Variants in CDH4 observed in about 807,000 individuals in gnomAD.
CDH4 encodes cadherin 4, also known as cadherin-4.
A neutral mutation model predicts 86.0 loss-of-function variants in CDH4; 33 were observed. The ratio of observed to expected loss-of-function variants is 0.38; its 90% CI spans 0.29 to 0.51. The LOEUF is 0.51. CDH4 is among the 20% of genes least tolerant of loss of function. CDH4 has a pLI of 0.86. For missense variants in CDH4, 1,114 were observed against 1,307.4 expected (o/e 0.85, Z 2.28); for synonymous variants, 555 against 549.4 (o/e 1.01, Z -0.14).
At chr20:61,696,352 C>G (rs569000544) in intron 2 of CDH4, among the ~76,000 whole-genome samples, 1 of 152,176 alleles carries the variant, frequency 6.6e-6, no homozygotes, top group Non-Finnish European at 1.5e-5. Context: ...TTCTCCTGGG[C>G]GCAGGAGGAA....
At chr20:61,602,475 A>T (rs1280724684) in intron 2 of CDH4, among the ~76,000 whole-genome samples, 2 of 152,192 alleles carry the variant, frequency 1.3e-5, no homozygotes, top group East Asian at 3.9e-4. Flanking sequence ...AGGGAAACGA[A>T]GCAGCTGAAA....
chr20:61,576,721 G>A (rs2145713271), intron 2 of CDH4, among the ~76,000 whole-genome samples: 1 of 152,282 alleles, frequency 6.6e-6, no homozygotes, highest in African/African-American at 2.4e-5. Flanking sequence ...GCACCCAGGA[G>A]AAGCGTGTTC....
At chr20:61,865,572 T>C (rs1983509948) in intron 6 of CDH4, among the ~76,000 whole-genome samples, 1 of 151,890 alleles carries the variant, frequency 6.6e-6, no homozygotes, top group African/African-American at 2.4e-5. Flanking sequence ...CTGGTTAGTG[T>C]AGATGATAGG....
intron 2 of CDH4, among the ~76,000 whole-genome samples, chr20:61,535,602 G>A (rs1251250300): frequency 6.6e-6 from 1 of 152,230 alleles, no homozygotes; most frequent in Non-Finnish European, 1.5e-5. Context: ...GGTGCAGGAT[G>A]AAAACGCGGG....
intron 2 of CDH4, among the ~76,000 whole-genome samples, chr20:61,482,899 C>G (rs910113915): frequency 6.6e-6 from 1 of 152,208 alleles, no homozygotes; most frequent in Non-Finnish European, 1.5e-5. Context: ...CTCATGCCAT[C>G]AGCATCCCCA....
intron 2 of CDH4, among the ~76,000 whole-genome samples, chr20:61,546,888 G>A (rs2086091343): frequency 6.6e-6 from 1 of 152,158 alleles, no homozygotes; most frequent in Non-Finnish European, 1.5e-5. Flanking sequence ...CTGCACGGGA[G>A]ACAGGCAGGT....
chr20:61,904,635 C>A (rs1440360059), intron 8 of CDH4, among the ~76,000 whole-genome samples: 1 of 152,216 alleles, frequency 6.6e-6, no homozygotes, highest in Non-Finnish European at 1.5e-5. Context: ...GCCAGCCCAT[C>A]CGACCCCACA....
chr20:61,600,306 G>C (rs150597104), intron 2 of CDH4, among the ~76,000 whole-genome samples: 1 of 152,350 alleles, frequency 6.6e-6, no homozygotes, highest in South Asian at 2.1e-4. Context: ...TGAGCGTGCC[G>C]TATTTCCCAG....
intron 2 of CDH4, among the ~76,000 whole-genome samples, chr20:61,320,706 T>C (rs2084503203): frequency 1.3e-5 from 2 of 151,856 alleles, no homozygotes; most frequent in Non-Finnish European, 2.9e-5. Flanking sequence ...TCAGCACTGC[T>C]GAGGTCGAGG....
chr20:61,320,097 G>A (rs547501306), intron 2 of CDH4, among the ~76,000 whole-genome samples: 81 of 152,194 alleles, frequency 5.3e-4, no homozygotes, highest in Non-Finnish European at 9.7e-4. Flanking sequence ...AAAATTGCTC[G>A]TATTTTTGCA....
chr20:61,506,153 G>C (rs115911617), intron 2 of CDH4, among the ~76,000 whole-genome samples: 3,719 of 152,340 alleles, frequency 0.024, 140 homozygotes, highest in African/African-American at 0.085. Context: ...CACTATGACA[G>C]AAATGAATCT....
intron 2 of CDH4, among the ~76,000 whole-genome samples, chr20:61,555,279 G>C (rs1308472032): frequency 6.6e-6 from 1 of 152,228 alleles, no homozygotes; most frequent in Non-Finnish European, 1.5e-5. Flanking sequence ...GAGTGAAGAT[G>C]TATTTATCTT....
intron 2 of CDH4, among the ~76,000 whole-genome samples, chr20:61,596,467 A>G (rs142675931): frequency 1.5e-4 from 23 of 152,310 alleles, no homozygotes; most frequent in African/African-American, 5.5e-4. Flanking sequence ...TGGGGAGGGC[A>G]ATGGCTCTTA....
intron 2 of CDH4, among the ~76,000 whole-genome samples, chr20:61,694,264 A>G (rs1361880969): frequency 6.6e-6 from 1 of 152,046 alleles, no homozygotes; most frequent in Non-Finnish European, 1.5e-5. Context: ...AGGAAGCCAC[A>G]CTGACTTGCC....
chr20:61,488,612 A>G (rs2085609045), intron 2 of CDH4, among the ~76,000 whole-genome samples: 1 of 152,228 alleles, frequency 6.6e-6, no homozygotes. Flanking sequence ...GACTGGTATC[A>G]AGAGGACTGA....
chr20:61,493,275 T>G (rs1260451472), intron 2 of CDH4, among the ~76,000 whole-genome samples: 1 of 152,150 alleles, frequency 6.6e-6, no homozygotes, highest in Non-Finnish European at 1.5e-5. Flanking sequence ...CTGCTTAGCC[T>G]AGAGATTTGT....
chr20:61,742,969 A>C, intron 2 of CDH4, among the ~76,000 whole-genome samples: 1 of 152,106 alleles, frequency 6.6e-6, no homozygotes, highest in East Asian at 1.9e-4. Flanking sequence ...TGCCTAGCCC[A>C]CCCCAAGGCC....
At chr20:61,620,434 A>G (rs2086766866) in intron 2 of CDH4, among the ~76,000 whole-genome samples, 1 of 151,714 alleles carries the variant, frequency 6.6e-6, no homozygotes, top group South Asian at 2.1e-4. Flanking sequence ...GATAGATAAT[A>G]GATGCTTGAT....
intron 2 of CDH4, among the ~76,000 whole-genome samples, chr20:61,489,561 C>A (rs2085614500): frequency 6.6e-6 from 1 of 152,232 alleles, no homozygotes; most frequent in Non-Finnish European, 1.5e-5. Context: ...ACTCCTCCTT[C>A]CCCAGGGGGC....
Sources: gnomAD v4.1 joint callset for allele counts (sites outside exome capture counted in the v4.1 genomes callset) on GRCh38, gnomAD v4.1.1 for gene constraint, MANE v1.5 for transcripts, NCBI Gene and HGNC (gene_info 2026-07-23, HGNC 2026-07-21) for gene names.